Variants in CPA5 observed in about 807,000 individuals in gnomAD.
The protein encoded by CPA5 is carboxypeptidase A5.
A neutral mutation model predicts 52.2 loss-of-function variants in CPA5; 38 were observed. The observed-to-expected ratio is 0.73, with a 90% CI of 0.56 to 0.95. The LOEUF (loss-of-function observed/expected upper bound fraction) is 0.95, where lower values mean the gene tolerates loss of function less well. Among genes scored for constraint, CPA5 ranks in the 40% least tolerant of loss-of-function variants. The probability of loss-of-function intolerance (pLI) is 0.00; values close to 1 mark genes in which losing one functional copy is unlikely to be tolerated. For synonymous variants in CPA5, 198 were observed against 213.7 expected (o/e 0.93, Z 0.64); for missense variants, 519 against 566.7 (o/e 0.92, Z 0.86).
At chr7:130,354,897 A>G (rs188444774) in intron 5 of CPA5, among the ~76,000 whole-genome samples, 119 of 152,074 alleles carry the variant, frequency 7.8e-4, no homozygotes, top group African/African-American at 2.7e-3. Context: ...GCCTGGCTTG[A>G]ATAGCAGAGT....
intron 5 of CPA5, among the ~76,000 whole-genome samples, chr7:130,350,342 A>C (rs1795054235): frequency 6.6e-6 from 1 of 152,186 alleles, no homozygotes; most frequent in African/African-American, 2.4e-5. Flanking sequence ...GACGCCTGTG[A>C]TGAGTCCTCC....
intron 5 of CPA5, among the ~76,000 whole-genome samples, chr7:130,351,401 T>A (rs2117323351): frequency 6.6e-6 from 1 of 152,280 alleles, no homozygotes; most frequent in South Asian, 2.1e-4. Context: ...TGTTGATTTC[T>A]GCACATCAGG....
chr7:130,361,811 G>A (rs190743408), intron 7 of CPA5, among the ~76,000 whole-genome samples: 2 of 152,286 alleles, frequency 1.3e-5, no homozygotes, highest in Non-Finnish European at 2.9e-5. Flanking sequence ...GCCCAAAAGG[G>A]CACCCGGGAG....
At chr7:130,347,002 G>T (rs142725267) in intron 3 of CPA5, among the ~76,000 whole-genome samples, 1 of 152,126 alleles carries the variant, frequency 6.6e-6, no homozygotes, top group East Asian at 1.9e-4. Context: ...GTTCTCCTTC[G>T]AATGACAGGA....
intron 5 of CPA5, among the ~76,000 whole-genome samples, chr7:130,357,617 C>G (rs1263393591): frequency 6.8e-6 from 1 of 147,860 alleles, no homozygotes; most frequent in African/African-American, 2.6e-5. Flanking sequence ...GAGAGAAATT[C>G]CATCTCAAAA....
rs1795848855 is a variant in CPA5 at position 130,362,542 on chromosome 7, C to CA, written c.636+4dup. The CA allele has an allele frequency of 6.2e-7, 1 of 1,608,108 alleles. No homozygotes were observed. The highest frequency in any genetic ancestry group is 1.3e-5 in the African/African-American group (1 of 74,842). On this transcript the variant is annotated splice_donor_region_variant and intron_variant, in intron 8 of 12. Transcript: ENST00000474905. ...CCGGCATCTGGACTGCCAATAAGGT[C>CA]AGCATGGACCTGTAGCCAAGGTGCA...
chr7:130,364,982 G>A (rs567443888), intron 10 of CPA5, among the ~76,000 whole-genome samples: 2 of 152,324 alleles, frequency 1.3e-5, no homozygotes, highest in South Asian at 2.1e-4. Context: ...CTTCACCGGG[G>A]GCTCAGGGTT....
intron 5 of CPA5, 23 bp downstream of exon 5, chr7:130,350,132 AC>A: frequency 1.2e-6 from 2 of 1,600,542 alleles, no homozygotes; most frequent in Non-Finnish European, 1.7e-6. Context: ...CCCAGCTGGG[AC>A]CCTGCCTTCC....
chr7:130,345,399 A>C (rs1794675798), intron 1 of CPA5, 194 bp downstream of exon 1: 1 of 151,376 alleles, frequency 6.6e-6, no homozygotes, highest in African/African-American at 2.4e-5. Context: ...CCTTACCCCC[A>C]CCCCCTGTGG....
At position 130,346,542 on chromosome 7, in the gene CPA5, G is replaced by C. The variant is rs1794753749; in HGVS notation, c.57G>C (p.Arg19=). 6.2e-7 allele frequency: 1 copy of C among 1,613,928 alleles called. No individual in the cohort carries two copies. The highest frequency in any genetic ancestry group is 1.1e-5 in the South Asian group (1 of 91,092). Reference sequence around the variant, plus strand: ...CTGGGCCATCCCCCGTGGACAGGCGGACACTCCTGGTCTTCAGCTTTATCC... The same window carrying C: ...CTGGGCCATCCCCCGTGGACAGGCGCACACTCCTGGTCTTCAGCTTTATCC... ...TRPGPSPVDR[R]TLLVFSFILA... is the part of the protein sequence containing the mutation. Residue 19 remains arginine (R), a synonymous_variant, in exon 3 of 13, where the codon CGG becomes CGC. Transcript: ENST00000474905.
chr7:130,352,839 G>T (rs985976357), intron 5 of CPA5, among the ~76,000 whole-genome samples: 4 of 147,020 alleles, frequency 2.7e-5, no homozygotes, highest in Non-Finnish European at 4.5e-5. Context: ...CAGCCCTTTG[G>T]TTTTTTTTTT....
At chr7:130,366,112 T>C (rs782706726) in intron 10 of CPA5, among the ~76,000 whole-genome samples, 6 of 152,214 alleles carry the variant, frequency 3.9e-5, no homozygotes, top group Non-Finnish European at 7.3e-5. Context: ...CTTAATTGAA[T>C]GGCTGTGTAA....
chr7:130,361,693 A>C (rs1173133938), intron 7 of CPA5, among the ~76,000 whole-genome samples: 1 of 152,180 alleles, frequency 6.6e-6, no homozygotes, highest in Non-Finnish European at 1.5e-5. Context: ...CCTTCACAGG[A>C]GCCACTGGAA....
At chr7:130,363,197 C>T (rs1198544808) in intron 9 of CPA5, among the ~76,000 whole-genome samples, 11 of 152,208 alleles carry the variant, frequency 7.2e-5, no homozygotes, top group African/African-American at 2.7e-4. Flanking sequence ...CTATTGGCAG[C>T]CTGTGCCCAG....
chr7:130,364,528 G>T (rs1470476789), intron 10 of CPA5, among the ~76,000 whole-genome samples: 1 of 152,196 alleles, frequency 6.6e-6, no homozygotes, highest in Non-Finnish European at 1.5e-5. Context: ...GTAGAGACGT[G>T]GTTTCACCAT....
intron 4 of CPA5, 28 bp from the exon 5 acceptor site, chr7:130,349,947 A>G (rs199934705): frequency 1.2e-6 from 2 of 1,604,122 alleles, no homozygotes; most frequent in Non-Finnish European, 1.7e-6. Context: ...GGAGTAATGC[A>G]GCTCTCTCTC....
At chr7:130,352,787 C>T (rs782307357) in intron 5 of CPA5, among the ~76,000 whole-genome samples, 4 of 151,664 alleles carry the variant, frequency 2.6e-5, no homozygotes, top group Non-Finnish European at 4.4e-5. Context: ...TGATTCCGAG[C>T]GAGCTCTATT....
chr7:130,347,993 T>C (rs1229597109), intron 4 of CPA5, 146 bp downstream of exon 4: 3 of 627,138 alleles, frequency 4.8e-6, no homozygotes, highest in South Asian at 4.4e-5. Context: ...CACACGTGGC[T>C]CCACTTCAGG....
chr7:130,362,814 T>G (rs1584824369), intron 8 of CPA5, 70 bp from the exon 9 acceptor site: 1 of 970,432 alleles, frequency 1.0e-6, no homozygotes. Flanking sequence ...CCACTGGCTG[T>G]GAAAATGTCC....
Sources: allele counts gnomAD v4.1 joint callset (sites outside exome capture counted in the v4.1 genomes callset), GRCh38; gene constraint gnomAD v4.1.1; transcripts MANE v1.5; gene names NCBI Gene and HGNC (gene_info 2026-07-23, HGNC 2026-07-21).